PRKCQ: variants seen among roughly 807,000 people sequenced by gnomAD.
PRKCQ encodes protein kinase C theta, also known as protein kinase C theta type.
PRKCQ carries 41 observed loss-of-function variants against 91.2 expected under a neutral mutation model. The ratio of observed to expected loss-of-function variants is 0.45; its 90% CI spans 0.35 to 0.58. PRKCQ has a LOEUF of 0.58. PRKCQ is among the 20% of genes least tolerant of loss of function. The probability of loss-of-function intolerance (pLI) is 0.00; values close to 1 mark genes in which losing one functional copy is unlikely to be tolerated. For synonymous variants in PRKCQ, 307 were observed against 316.9 expected (o/e 0.97, Z 0.33); for missense variants, 673 against 896.5 (o/e 0.75, Z 3.18).
intron 12 of PRKCQ, among the ~76,000 whole-genome samples, chr10:6,478,765 A>C (rs1002673464): frequency 2.1e-4 from 32 of 152,242 alleles, no homozygotes; most frequent in Admixed American, 5.2e-4. Flanking sequence ...ACAGGAAAAC[A>C]GACAAACAAA....
intron 16 of PRKCQ, among the ~76,000 whole-genome samples, chr10:6,432,652 C>A (rs1440495333): frequency 6.6e-6 from 1 of 152,130 alleles, no homozygotes; most frequent in Non-Finnish European, 1.5e-5. Context: ...TCAGTTTCCT[C>A]GTGTGTAAAG....
At chr10:6,563,759 C>G (rs2130960373) in intron 1 of PRKCQ, among the ~76,000 whole-genome samples, 1 of 152,280 alleles carries the variant, frequency 6.6e-6, no homozygotes, top group African/African-American at 2.4e-5. Flanking sequence ...TGAGCACTTG[C>G]TATGTGTGGG....
At chr10:6,405,279 G>A in the PRKCQ span, among the ~76,000 whole-genome samples, 2 of 152,292 alleles carry the variant, frequency 1.3e-5, no homozygotes, top group South Asian at 2.1e-4. Context: ...CACCGCGCCC[G>A]GTCAGATTCT....
chr10:6,470,753 C>G (rs1835915753), intron 12 of PRKCQ, among the ~76,000 whole-genome samples: 1 of 152,018 alleles, frequency 6.6e-6, no homozygotes, highest in African/African-American at 2.4e-5. Context: ...GAGTTCAAGA[C>G]CAGCCTGGCC....
chr10:6,415,996 C>T, the PRKCQ span, among the ~76,000 whole-genome samples: 1 of 152,068 alleles, frequency 6.6e-6, no homozygotes, highest in African/African-American at 2.4e-5. Flanking sequence ...ATATGCCCGA[C>T]TCGACCTCTC....
chr10:6,485,132 C>T lies in PRKCQ; in HGVS notation c.1018+20G>A, dbSNP rs753397926. ...AGATTAATGACTGACAGTGATTAGACTGCTGATCAGGACAGCTACCTCTTT... is the reference window on the plus strand; with the variant it reads ...AGATTAATGACTGACAGTGATTAGATTGCTGATCAGGACAGCTACCTCTTT... On this transcript the variant is annotated intron_variant, in intron 10 of 17. Coordinates refer to ENST00000263125, the MANE Select transcript of PRKCQ (RefSeq NM_006257.5). The T allele has an allele frequency of 4.4e-6, 7 of 1,590,408 alleles. No individual in the cohort carries two copies. The highest frequency in any genetic ancestry group is 5.2e-6 in the Non-Finnish European group (6 of 1,158,932).
intron 1 of PRKCQ, among the ~76,000 whole-genome samples, chr10:6,543,474 T>C (rs890212951): frequency 1.3e-5 from 2 of 152,292 alleles, no homozygotes; most frequent in South Asian, 4.1e-4. Flanking sequence ...GTGTCTGTCA[T>C]GACTAAATTA....
intron 1 of PRKCQ, among the ~76,000 whole-genome samples, chr10:6,550,848 C>A (rs778912532): frequency 1.5e-4 from 23 of 152,222 alleles, no homozygotes; most frequent in Non-Finnish European, 2.5e-4. Context: ...AAGGCTCCAA[C>A]TCTCCACGTC....
chr10:6,414,035 G>A, the PRKCQ span, among the ~76,000 whole-genome samples: 8 of 152,302 alleles, frequency 5.3e-5, no homozygotes, highest in African/African-American at 1.4e-4. Context: ...GAGCAAATAA[G>A]GTGATCCCCA....
intron 1 of PRKCQ, among the ~76,000 whole-genome samples, chr10:6,561,369 CAAAAAAAAAAAAA>C (rs3086735): frequency 1.5e-4 from 12 of 82,638 alleles, no homozygotes; most frequent in Admixed American, 3.0e-4. Flanking sequence ...GACCCTGTCT[CAAAAAAAAAAAAA>C]AAAAAAAAAA....
At chr10:6,534,811 T>A (rs1016315138) in intron 1 of PRKCQ, among the ~76,000 whole-genome samples, 4 of 148,188 alleles carry the variant, frequency 2.7e-5, no homozygotes, top group Admixed American at 6.8e-5. Context: ...TATATATATA[T>A]AAACTCATTA....
intron 7 of PRKCQ, among the ~76,000 whole-genome samples, chr10:6,495,165 T>C (rs1000885362): frequency 6.6e-6 from 1 of 152,182 alleles, no homozygotes; most frequent in Non-Finnish European, 1.5e-5. Context: ...ATTCCTTCCA[T>C]CTCCTCTGGT....
chr10:6,538,942 T>G (rs1046765463), intron 1 of PRKCQ, among the ~76,000 whole-genome samples: 2 of 152,148 alleles, frequency 1.3e-5, no homozygotes, highest in South Asian at 2.1e-4. Flanking sequence ...TTTTTGTATT[T>G]TAGTAGAGAT....
rs1179560313 is a variant in PRKCQ, at chr10:6,430,821, G to A, written c.1954C>T (p.Arg652Trp). ...GAGCGAGTCCTTACCACTTTCGGCC[G>A]GAACGGTGGGTCAATCTCCTTCCGT... is the stretch of plus-strand genomic sequence containing the variant. ...LERKEIDPPF[R>W]PKVKSPFDCS... The change falls in exon 17 of 18, where the codon CGG (arginine) becomes TGG (tryptophan). Residue 652 changes from arginine to tryptophan, a missense_variant. Transcript: ENST00000263125. This position sits in a 1 kb window ranked among gnomAD's most constrained non-coding sequence, Gnocchi z 4.7. The A allele has an allele frequency of 1.2e-6, 2 of 1,613,966 alleles. No homozygotes were observed. Among genetic ancestry groups the A allele is most frequent in the Non-Finnish European group, 1.7e-6 (2 of 1,179,932 alleles).
At chr10:6,564,198 G>T (rs1245533293) in intron 1 of PRKCQ, among the ~76,000 whole-genome samples, 1 of 152,192 alleles carries the variant, frequency 6.6e-6, no homozygotes, top group Admixed American at 6.5e-5. Flanking sequence ...GAGCTTTGCA[G>T]GGGAGTGCAG....
chr10:6,417,015 C>T, the PRKCQ span, among the ~76,000 whole-genome samples: 1 of 152,170 alleles, frequency 6.6e-6, no homozygotes, highest in South Asian at 2.1e-4. Flanking sequence ...ATAAATTCAC[C>T]ATCCTAGACA....
intron 16 of PRKCQ, among the ~76,000 whole-genome samples, chr10:6,434,186 AAG>A (rs1432255336): frequency 2.0e-5 from 3 of 152,104 alleles, no homozygotes; most frequent in African/African-American, 7.2e-5. Flanking sequence ...GTGTCTCAGG[AAG>A]GGGCCAAAAC....
rs370853143 is a variant in PRKCQ at position 6,456,356 on chromosome 10, G to A, written c.1647+318C>T. Among the ~76,000 whole-genome samples, 3 of 152,230 alleles carry A rather than the reference G, an allele frequency of 2.0e-5. No homozygotes were observed. The South Asian group carries it at 6.2e-4, about 32-fold the overall frequency. The stretch of plus-strand genomic sequence containing the variant: ...CCCCACAGTTTCACCACTTGACTTG[G>A]GTGGACGCTTGCTCCACCTGGCTCT... On this transcript the variant is annotated intron_variant, in intron 15 of 17. Transcript: ENST00000263125.
chr10:6,464,313 G>A lies in PRKCQ; in HGVS notation c.1445C>T (p.Thr482Met), dbSNP rs777417433. The change falls in exon 13 of 18, where the codon ACG (threonine) becomes ATG (methionine). Residue 482 changes from threonine (T) to methionine (M), a missense_variant and splice_region_variant. Coordinates refer to ENST00000263125, the MANE Select transcript of PRKCQ (RefSeq NM_006257.5). Reference sequence around the variant, plus strand: ...TCCCAAACCCTTTAAAGCCTCTTACGTCGCTCTGGAAAGGTCGAACTTGTG... The same window carrying A: ...TCCCAAACCCTTTAAAGCCTCTTACATCGCTCTGGAAAGGTCGAACTTGTG... ...SCHKFDLSRATFYAAEIILGL... is the reference protein window; with the variant it reads ...SCHKFDLSRAMFYAAEIILGL... The A allele has an allele frequency of 6.2e-7, 1 of 1,612,710 alleles. No homozygotes were observed.
Sources: allele counts gnomAD v4.1 joint callset (sites outside exome capture counted in the v4.1 genomes callset), GRCh38; gene constraint gnomAD v4.1.1; non-coding constraint Gnocchi (gnomAD v3.1); transcripts MANE v1.5; gene names NCBI Gene and HGNC (gene_info 2026-07-23, HGNC 2026-07-21).